The following SCARB1 variants were observed in gnomAD, a reference collection of about 807,000 sequenced individuals.
SCARB1 encodes the protein CD36 and LIMPII analogous 1.
Under a neutral mutation model 57.2 loss-of-function variants are expected in SCARB1, and 30 were observed. The observed-to-expected ratio is 0.52, with a 90% CI of 0.39 to 0.71. SCARB1 has a LOEUF of 0.71. Among genes scored for constraint, SCARB1 ranks in the 30% least tolerant of loss-of-function variants. SCARB1 has a pLI of 0.00. For synonymous variants in SCARB1, 249 were observed against 268.3 expected (o/e 0.93, Z 0.70); for missense variants, 543 against 671.2 (o/e 0.81, Z 2.11).
chr12:124,797,248 T>C (rs1949971229), intron 8 of SCARB1, among the ~76,000 whole-genome samples: 1 of 152,226 alleles, frequency 6.6e-6, no homozygotes, highest in Non-Finnish European at 1.5e-5. Flanking sequence ...TTCCCTTTGC[T>C]AATTTTGCTT....
At chr12:124,830,189 T>C (rs1310175770) in intron 1 of SCARB1, among the ~76,000 whole-genome samples, 2 of 152,202 alleles carry the variant, frequency 1.3e-5, no homozygotes, top group African/African-American at 4.8e-5. Context: ...TGAAAAAGAC[T>C]GACAATAACA....
intron 1 of SCARB1, among the ~76,000 whole-genome samples, chr12:124,853,385 G>GTTT (rs1228834041): frequency 4.0e-5 from 5 of 123,862 alleles, no homozygotes; most frequent in African/African-American, 1.2e-4. Flanking sequence ...AGTTTGCATA[G>GTTT]TTTTGTTTTT....
chr12:124,811,851 C>G lies in SCARB1; in HGVS notation c.726+19G>C, dbSNP rs1950541552. 1 of 1,585,566 alleles carries G rather than the reference C, an allele frequency of 6.3e-7. No individual in the cohort carries two copies. The highest frequency in any genetic ancestry group is 1.3e-5 in the African/African-American group (1 of 74,114). On this transcript the variant is annotated intron_variant, in intron 5 of 12. Transcript: ENST00000261693. ...TCCCCTCTCCCTGGCGACAGGGGCC[C>G]TCGCCTCTCGCCCCTCACCTTGCTC...
At chr12:124,784,379 C>T (rs1169082173) in intron 11 of SCARB1, 2 of 152,290 alleles carry the variant, frequency 1.3e-5, no homozygotes, top group Non-Finnish European at 2.9e-5. Flanking sequence ...GGTCATTGTT[C>T]ATCGGGAGCT....
chr12:124,844,884 C>T (rs535536272), intron 1 of SCARB1, among the ~76,000 whole-genome samples: 2 of 150,134 alleles, frequency 1.3e-5, no homozygotes, highest in South Asian at 2.1e-4. Flanking sequence ...GGCACGATCT[C>T]GGCTCACTGC....
At chr12:124,821,913 C>T (rs1950970176) in intron 1 of SCARB1, among the ~76,000 whole-genome samples, 1 of 152,144 alleles carries the variant, frequency 6.6e-6, no homozygotes, top group African/African-American at 2.4e-5. Flanking sequence ...ACACTGTGGC[C>T]TTTTGCCTAA....
chr12:124,862,711 TA>T (rs1367759992), intron 1 of SCARB1, among the ~76,000 whole-genome samples: 3 of 151,984 alleles, frequency 2.0e-5, no homozygotes, highest in African/African-American at 7.3e-5. Flanking sequence ...TTCAAAACTC[TA>T]AATGGCTTTT....
At position 124,777,760 on chromosome 12, in the gene SCARB1, C is replaced by CA. The variant is rs1872631984; in HGVS notation, c.*826dup. The CA allele has an allele frequency of 6.6e-6, 1 of 152,468 alleles. No individual in the cohort carries two copies. The highest frequency in any genetic ancestry group is 6.5e-5 in the Admixed American group (1 of 15,306). The allele number at this position is 152,468 out of a possible 1,614,324, so 9.4% of individuals were successfully genotyped here. On this transcript the variant is annotated 3_prime_UTR_variant, in exon 13 of 13. Coordinates refer to ENST00000261693, the MANE Select transcript of SCARB1 (RefSeq NM_005505.5). ...AGGAGCGCCCGGAAGGCAGGGCCCC[C>CA]AGGCCTCTTCACCTCAGCCTGGGCA... is the stretch of plus-strand genomic sequence containing the variant.
chr12:124,778,697 C>G, intron 12 of SCARB1, 111 bp from the exon 13 acceptor site: 3 of 1,106,860 alleles, frequency 2.7e-6, no homozygotes, highest in Admixed American at 4.2e-5. Flanking sequence ...ACTCCACCCC[C>G]GCCACCAGGC....
intron 7 of SCARB1, among the ~76,000 whole-genome samples, chr12:124,805,782 C>T (rs1355430118): frequency 3.8e-5 from 5 of 130,898 alleles, no homozygotes; most frequent in Non-Finnish European, 7.7e-5. Flanking sequence ...ATTGCCCAGG[C>T]TGGTCTCGAA....
At position 124,789,342 on chromosome 12, in the gene SCARB1, A is replaced by G. The variant is rs961419672; in HGVS notation, c.1203-1885T>C. 7.2e-5 allele frequency among the ~76,000 whole-genome samples: 11 copies of G among 152,222 alleles called. No homozygotes were observed. Among genetic ancestry groups the G allele is most frequent in the African/African-American group, 2.7e-4 (11 of 41,456 alleles). On this transcript the variant is annotated intron_variant, in intron 9 of 12. Coordinates refer to ENST00000261693, the MANE Select transcript of SCARB1 (RefSeq NM_005505.5). The surrounding 1 kb of genome is among the most constrained non-coding windows in gnomAD (Gnocchi z 4.4). ...CAAAATACCTGACCAGTGCTTCTCA[A>G]AAGTGTCACTGTCATCAAAATGAAG... is the stretch of plus-strand genomic sequence containing the variant.
In SCARB1 at chr12:124,796,965, T is replaced by A. The variant is rs1680440359; in HGVS notation, c.1129-1697A>T. ...TGAGAGTAGTTCACTGGGCCGAAAT[T>A]ATTTGTACAAACAATATGGTTCTTG... On this transcript the variant is annotated intron_variant, in intron 8 of 12. Transcript: ENST00000261693. The surrounding 1 kb of genome is among the most constrained non-coding windows in gnomAD (Gnocchi z 4.0). Among the ~76,000 whole-genome samples, 1 of 152,170 alleles carries A rather than the reference T, an allele frequency of 6.6e-6. No homozygotes were observed. Among genetic ancestry groups the A allele is most frequent in the Admixed American group, 6.5e-5 (1 of 15,282 alleles).
At position 124,808,051 on chromosome 12, in the gene SCARB1, C is replaced by T. The variant is rs560128039; in HGVS notation, c.843-124G>A. The T allele has an allele frequency of 1.3e-4, 115 of 898,914 alleles. 1 individual carries two copies. In the African/African-American group the frequency reaches 1.7e-3, roughly 13 times the overall value. 55.7% of individuals were successfully genotyped at this position (898,914 alleles called of 1,614,324 possible). A position where few individuals can be genotyped will look rare whatever the true frequency, so the allele number is the denominator to read the frequency against. On this transcript the variant is annotated intron_variant, in intron 6 of 12. Transcript: ENST00000261693. ...GCGCTACCACCTCCCGGGTCCAAACCGCCCCCATCTCTCACCCGCGGAGCT... is the reference window on the plus strand; with the variant it reads ...GCGCTACCACCTCCCGGGTCCAAACTGCCCCCATCTCTCACCCGCGGAGCT...
intron 1 of SCARB1, chr12:124,821,665 G>T: frequency 2.3e-6 from 1 of 428,800 alleles, no homozygotes; most frequent in Non-Finnish European, 3.1e-6. Context: ...GGCGTAAGGA[G>T]AGTGTCGCCT....
chr12:124,848,718 G>A (rs1345143540), intron 1 of SCARB1, among the ~76,000 whole-genome samples: 1 of 152,240 alleles, frequency 6.6e-6, no homozygotes, highest in Non-Finnish European at 1.5e-5. Flanking sequence ...GAGAACGGCA[G>A]AACGAGCCGT....
At chr12:124,802,009 G>T (rs891024630) in intron 7 of SCARB1, among the ~76,000 whole-genome samples, 1 of 150,958 alleles carries the variant, frequency 6.6e-6, no homozygotes, top group Non-Finnish European at 1.5e-5. Flanking sequence ...AATTAGCCGG[G>T]CCTGGTGGTG....
chr12:124,795,685 AG>A (rs1949920569), intron 8 of SCARB1, among the ~76,000 whole-genome samples: 2 of 152,158 alleles, frequency 1.3e-5, no homozygotes, highest in African/African-American at 4.8e-5. Flanking sequence ...AACAGACAAA[AG>A]TCCCTTCTCA....
At position 124,839,613 on chromosome 12, in the gene SCARB1, G is replaced by A. The variant is rs963453510; in HGVS notation, c.127-21906C>T. 5 of 984,610 alleles carry A rather than the reference G, an allele frequency of 5.1e-6. No individual in the cohort carries two copies. The African/African-American group carries it at 8.7e-5, about 17-fold the overall frequency. 61.0% of individuals were successfully genotyped at this position (984,610 alleles called of 1,614,324 possible). On this transcript the variant is annotated intron_variant, in intron 1 of 12. Coordinates refer to ENST00000261693, the MANE Select transcript of SCARB1 (RefSeq NM_005505.5). ...TAATTCTATGTTAAATTTTGGGGGG[G>A]CCTCCACACAGCAGCTGCACCATCC...
At chr12:124,845,148 T>C (rs537047965) in intron 1 of SCARB1, among the ~76,000 whole-genome samples, 31 of 152,168 alleles carry the variant, frequency 2.0e-4, no homozygotes, top group Middle Eastern at 3.4e-3. Context: ...AGGAGACCAC[T>C]GAAAGCAGAA....
Sources: allele counts gnomAD v4.1 joint callset (sites outside exome capture counted in the v4.1 genomes callset), GRCh38; gene constraint gnomAD v4.1.1; non-coding constraint Gnocchi (gnomAD v3.1); transcripts MANE v1.5; gene names NCBI Gene and HGNC (gene_info 2026-07-23, HGNC 2026-07-21).